The following ZSCAN1 variants were observed in gnomAD, a reference collection of about 807,000 sequenced individuals.
The protein encoded by ZSCAN1 is zinc finger and SCAN domain containing 1.
In ZSCAN1, 23 loss-of-function variants were observed where a neutral mutation model predicts 23.8. The observed-to-expected ratio is 0.97, with a 90% CI of 0.70 to 1.37. ZSCAN1 has a LOEUF of 1.37. Among genes scored for constraint, ZSCAN1 ranks in the 40% most tolerant of loss-of-function variants. The pLI is 0.00. For synonymous variants in ZSCAN1, 236 were observed against 232.3 expected (o/e 1.02, Z -0.15); for missense variants, 575 against 554.0 (o/e 1.04, Z -0.38).
At chr19:58,052,991 G>C (rs1361485447) in intron 5 of ZSCAN1, among the ~76,000 whole-genome samples, 2 of 146,962 alleles carry the variant, frequency 1.4e-5, no homozygotes, top group Non-Finnish European at 3.0e-5. Context: ...ACAGAGTCTT[G>C]CTCTGTTGCC....
chr19:58,041,220 C>T (rs1164591306), intron 4 of ZSCAN1, among the ~76,000 whole-genome samples: 3 of 152,364 alleles, frequency 2.0e-5, no homozygotes, highest in South Asian at 2.1e-4. Flanking sequence ...AAACACAGCA[C>T]GGTCGAACAA....
chr19:58,047,924 C>G lies in ZSCAN1; in HGVS notation c.466-4566C>G, dbSNP rs1260727568. On this transcript the variant is annotated intron_variant, in intron 4 of 5. Transcript: ENST00000282326. This position sits in a 1 kb window ranked among gnomAD's most constrained non-coding sequence, Gnocchi z 4.9. ...GCAGTGTCCTGTGGCCACCTCCACC[C>G]TCCTGCCCAGCCGGCTGTGTCACAC... Among the ~76,000 whole-genome samples the G allele has an allele frequency of 6.6e-6, 1 of 152,194 alleles. No homozygotes were observed. The highest frequency in any genetic ancestry group is 2.4e-5 in the African/African-American group (1 of 41,454).
intron 4 of ZSCAN1, among the ~76,000 whole-genome samples, 180 bp from the exon 5 acceptor site, chr19:58,052,310 T>C (rs1405816824): frequency 6.6e-6 from 1 of 152,216 alleles, no homozygotes; most frequent in East Asian, 1.9e-4. Flanking sequence ...CCCAAACTCC[T>C]GGCCTCAAGC....
intron 2 of ZSCAN1, among the ~76,000 whole-genome samples, chr19:58,036,248 T>C (rs1342707542): frequency 6.6e-6 from 1 of 152,178 alleles, no homozygotes; most frequent in Non-Finnish European, 1.5e-5. Context: ...TGGGCACTTT[T>C]GTAGTGAATC....
In ZSCAN1 at chr19:58,047,271, G is replaced by A. The variant is rs2073832279; in HGVS notation, c.466-5219G>A. Among the ~76,000 whole-genome samples, 1 of 152,252 alleles carries A rather than the reference G, an allele frequency of 6.6e-6. No individual in the cohort carries two copies. ...CATCAATAGACCTGTCTTCCTGCAT[G>A]CTTTTAGTTGGATCTGGGTCACTGT... On this transcript the variant is annotated intron_variant, in intron 4 of 5. Coordinates refer to ENST00000282326, the MANE Select transcript of ZSCAN1 (RefSeq NM_182572.4). This position sits in a 1 kb window ranked among gnomAD's most constrained non-coding sequence, Gnocchi z 4.9.
In ZSCAN1 at chr19:58,053,680, C is replaced by T. The variant is rs1463022316; in HGVS notation, c.856C>T (p.Pro286Ser). 4 of 1,614,156 alleles carry T rather than the reference C, an allele frequency of 2.5e-6. No individual in the cohort carries two copies. The highest frequency in any genetic ancestry group is 3.4e-6 in the Non-Finnish European group (4 of 1,180,028). ...VAGISVVPRG[P>S]RGGRPFQCAD... ...AGGCATCTCGGTAGTGCCGCGTGGG[C>T]CCCGAGGTGGGCGGCCCTTCCAGTG... Residue 286 changes from proline (P) to serine (S), a missense_variant, in exon 6 of 6, where the codon CCC (proline) becomes TCC (serine). Transcript: ENST00000282326. This position sits in a 1 kb window ranked among gnomAD's most constrained non-coding sequence, Gnocchi z 5.8.
At chr19:58,048,213 AAG>A (rs1328160492) in intron 4 of ZSCAN1, among the ~76,000 whole-genome samples, 1 of 152,256 alleles carries the variant, frequency 6.6e-6, no homozygotes, top group Non-Finnish European at 1.5e-5. Flanking sequence ...TTATTTGAGA[AAG>A]AAGTTTGTTT....
rs1256944210 is a variant in ZSCAN1, at chr19:58,040,884, A to G, written c.465+340A>G. On this transcript the variant is annotated intron_variant, in intron 4 of 5. Transcript: ENST00000282326. This position sits in a 1 kb window ranked among gnomAD's most constrained non-coding sequence, Gnocchi z 5.8. ...TTGAGAAAGTCCTGCTGCCCCGATC[A>G]TCTTCCCTCAGTGAACCCAGGATTC... Among the ~76,000 whole-genome samples the G allele has an allele frequency of 1.3e-5, 2 of 152,160 alleles. No homozygotes were observed. Among genetic ancestry groups the G allele is most frequent in the African/African-American group, 4.8e-5 (2 of 41,434 alleles).
rs1290318543 is a variant in ZSCAN1 at position 58,047,508 on chromosome 19, C to T, written c.466-4982C>T. ...CATCTCTGACCCAAGCCACGCAACT[C>T]TGACGTAGCCCTAGCCATGGGACTC... On this transcript the variant is annotated intron_variant, in intron 4 of 5. Coordinates refer to ENST00000282326, the MANE Select transcript of ZSCAN1 (RefSeq NM_182572.4). This position sits in a 1 kb window ranked among gnomAD's most constrained non-coding sequence, Gnocchi z 4.9. 2.0e-5 allele frequency among the ~76,000 whole-genome samples: 3 copies of T among 152,256 alleles called. No homozygotes were observed. Among genetic ancestry groups the T allele is most frequent in the African/African-American group, 7.2e-5 (3 of 41,474 alleles).
chr19:58,056,474 C>T (rs941074574), downstream of ZSCAN1, among the ~76,000 whole-genome samples: 1 of 152,218 alleles, frequency 6.6e-6, no homozygotes, highest in Non-Finnish European at 1.5e-5. Context: ...GTGGAGACAC[C>T]GGGACACCAT....
chr19:58,048,611 C>T (rs1181482000), intron 4 of ZSCAN1, among the ~76,000 whole-genome samples: 1 of 152,238 alleles, frequency 6.6e-6, no homozygotes, highest in East Asian at 1.9e-4. Context: ...ACAAACGCCA[C>T]TATGCCTGGC....
At chr19:58,042,007 A>G (rs2073792481) in intron 4 of ZSCAN1, among the ~76,000 whole-genome samples, 1 of 152,216 alleles carries the variant, frequency 6.6e-6, no homozygotes, top group Non-Finnish European at 1.5e-5. Flanking sequence ...GAGAAAGGTA[A>G]AAACACCTTC....
rs529150268 is a variant in ZSCAN1, at chr19:58,053,598, C to A, written c.774C>A (p.Ser258Arg). The change falls in exon 6 of 6, where the codon AGC becomes AGA. Residue 258 changes from serine (S) to arginine (R), a missense_variant. Coordinates refer to ENST00000282326, the MANE Select transcript of ZSCAN1 (RefSeq NM_182572.4). This position sits in a 1 kb window ranked among gnomAD's most constrained non-coding sequence, Gnocchi z 5.8. ...PRRRNRNTDQSGRHQPSLKHT... is the reference protein window; with the variant it reads ...PRRRNRNTDQRGRHQPSLKHT... ...GGAGAAACAGGAACACTGACCAGAG[C>A]GGCCGCCACCAGCCATCCCTCAAGC... 2.5e-6 allele frequency: 4 copies of A among 1,614,122 alleles called. No individual in the cohort carries two copies. The highest frequency in any genetic ancestry group is 1.6e-4 in the Middle Eastern group (1 of 6,062).
chr19:58,039,769 T>TC (rs1201656845), intron 3 of ZSCAN1, among the ~76,000 whole-genome samples: 2 of 34,586 alleles, frequency 5.8e-5, no homozygotes, highest in Non-Finnish European at 1.2e-4. Context: ...AGACTCCGTC[T>TC]CAAAAAAAAA....
Position 58,049,290 on chromosome 19 carries a change from C to T in ZSCAN1, c.466-3200C>T, listed in dbSNP as rs2123439409. ...AAGCACAGATACAAATCCCCTTGAT[C>T]TTCCAGTAACTGTTTTAACTGTGCA... On this transcript the variant is annotated intron_variant, in intron 4 of 5. Transcript: ENST00000282326. The surrounding 1 kb of genome is among the most constrained non-coding windows in gnomAD (Gnocchi z 4.5). The T allele has an allele frequency of 6.6e-6, 1 of 152,460 alleles. No homozygotes were observed. Among genetic ancestry groups the T allele is most frequent in the South Asian group, 2.1e-4 (1 of 4,834 alleles). The allele number at this position is 152,460 out of a possible 1,614,324, so 9.4% of individuals were successfully genotyped here.
Position 58,054,144 on chromosome 19 carries a change from A to G in ZSCAN1, c.*93A>G. The G allele has an allele frequency of 7.1e-7, 1 of 1,402,838 alleles. No individual in the cohort carries two copies. The highest frequency in any genetic ancestry group is 9.3e-7 in the Non-Finnish European group (1 of 1,072,826). 86.9% of individuals were successfully genotyped at this position (1,402,838 alleles called of 1,614,324 possible). A position where few individuals can be genotyped will look rare whatever the true frequency, so the allele number is the denominator to read the frequency against. On this transcript the variant is annotated 3_prime_UTR_variant, in exon 6 of 6. Transcript: ENST00000282326. This position sits in a 1 kb window ranked among gnomAD's most constrained non-coding sequence, Gnocchi z 4.2. ...TGGGGGACATCCCCCAGCCCCACCA[A>G]CCCCTGGCCACCTTGGGACTCCTCT... is the stretch of plus-strand genomic sequence containing the variant.
chr19:58,050,765 C>T (rs112548219), intron 4 of ZSCAN1, among the ~76,000 whole-genome samples: 2 of 152,260 alleles, frequency 1.3e-5, no homozygotes, highest in East Asian at 3.9e-4. Context: ...TTCATCCTCC[C>T]GCTTCTGCCT....
chr19:58,038,266 C>G (rs2073756386), intron 3 of ZSCAN1, 60 bp downstream of exon 3: 1 of 1,542,850 alleles, frequency 6.5e-7, no homozygotes, highest in East Asian at 2.4e-5. Flanking sequence ...CTCCGAGGAC[C>G]GAACTGCCCT....
intron 2 of ZSCAN1, among the ~76,000 whole-genome samples, chr19:58,036,846 C>A (rs58651242): frequency 0.017 from 2,580 of 152,146 alleles, 82 homozygotes; most frequent in African/African-American, 0.058. Context: ...ACCACCACGC[C>A]GGCTAATTTT....
Sources: allele counts gnomAD v4.1 joint callset (sites outside exome capture counted in the v4.1 genomes callset), GRCh38; gene constraint gnomAD v4.1.1; non-coding constraint Gnocchi (gnomAD v3.1); transcripts MANE v1.5; gene names NCBI Gene and HGNC (gene_info 2026-07-23, HGNC 2026-07-21).